The following PALM2AKAP2 variants were observed in gnomAD, a reference collection of about 807,000 sequenced individuals.
PALM2AKAP2 encodes the protein PALM2 and AKAP2 fusion.
A neutral mutation model predicts 71.5 loss-of-function variants in PALM2AKAP2; 37 were observed. The ratio of observed to expected loss-of-function variants is 0.52; its 90% CI spans 0.40 to 0.68. The LOEUF (loss-of-function observed/expected upper bound fraction) is 0.68, where lower values mean the gene tolerates loss of function less well. Among genes scored for constraint, PALM2AKAP2 ranks in the 30% least tolerant of loss-of-function variants. The pLI is 0.00. For missense variants in PALM2AKAP2, 1,224 were observed against 1,191.8 expected, an observed-to-expected ratio of 1.03 and a Z score of -0.40; for synonymous variants, 468 against 478.8, an observed-to-expected ratio of 0.98 and a Z score of 0.29.
intron 1 of PALM2AKAP2, among the ~76,000 whole-genome samples, chr9:110,067,292 T>C (rs917519388): frequency 8.5e-5 from 13 of 152,220 alleles, no homozygotes; most frequent in African/African-American, 2.9e-4. Flanking sequence ...ACAATGATAA[T>C]TAAGAAAACT....
At chr9:109,928,899 T>C (rs1831021823) in intron 5 of PALM2AKAP2, among the ~76,000 whole-genome samples, 1 of 152,164 alleles carries the variant, frequency 6.6e-6, no homozygotes, top group Non-Finnish European at 1.5e-5. Flanking sequence ...ACTCCTGACC[T>C]CAAGTGATCT....
rs184574833 is a variant in PALM2AKAP2, at chr9:109,904,915, C to G, written c.258-18820C>G. ...GTTTTTCTTTGGACGTTATGCAAGCCACTTCTGTGCTGTAAAAGGGCTTTT... is the reference window on the plus strand; with the variant it reads ...GTTTTTCTTTGGACGTTATGCAAGCGACTTCTGTGCTGTAAAAGGGCTTTT... On this transcript the variant is annotated intron_variant, in intron 3 of 9. Coordinates refer to the PALM2AKAP2 transcript ENST00000302798. 4.7e-3 allele frequency among the ~76,000 whole-genome samples: 708 copies of G among 152,248 alleles called. 5 individuals carry two copies. The highest frequency in any genetic ancestry group is 8.2e-3 in the Non-Finnish European group (561 of 68,002).
At chr9:109,780,899 C>T (rs1463038220) in intron 1 of PALM2AKAP2, among the ~76,000 whole-genome samples, 1 of 152,208 alleles carries the variant, frequency 6.6e-6, no homozygotes, top group Non-Finnish European at 1.5e-5. Context: ...GAAGGGTGAC[C>T]TGAACGGTGG....
chr9:109,918,521 C>T (rs566766508), intron 3 of PALM2AKAP2, among the ~76,000 whole-genome samples: 5 of 152,346 alleles, frequency 3.3e-5, no homozygotes, highest in East Asian at 3.9e-4. Context: ...ATTAACCTTG[C>T]GTGTAAATTA....
intron 6 of PALM2AKAP2, among the ~76,000 whole-genome samples, chr9:110,009,758 G>A (rs1230177495): frequency 6.6e-6 from 1 of 151,644 alleles, no homozygotes; most frequent in Non-Finnish European, 1.5e-5. Context: ...TGTCTACAGG[G>A]TACTCTACTC....
At chr9:110,087,468 C>T (rs1834600378) in intron 1 of PALM2AKAP2, among the ~76,000 whole-genome samples, 1 of 152,164 alleles carries the variant, frequency 6.6e-6, no homozygotes, top group Admixed American at 6.5e-5. Flanking sequence ...TTACAGAAGC[C>T]TCATGTCTAT....
At chr9:109,984,817 C>A (rs1832342388) in intron 6 of PALM2AKAP2, among the ~76,000 whole-genome samples, 1 of 151,468 alleles carries the variant, frequency 6.6e-6, no homozygotes, top group Non-Finnish European at 1.5e-5. Flanking sequence ...GTTTACAAAG[C>A]ACTATGATCG....
chr9:109,839,361 A>C (rs1408995609), intron 1 of PALM2AKAP2, among the ~76,000 whole-genome samples: 3 of 152,212 alleles, frequency 2.0e-5, no homozygotes, highest in Non-Finnish European at 4.4e-5. Context: ...ACACTAAATA[A>C]ATTAGATATT....
intron 1 of PALM2AKAP2, among the ~76,000 whole-genome samples, chr9:109,811,825 A>G (rs1286890643): frequency 6.6e-6 from 1 of 152,224 alleles, no homozygotes; most frequent in Non-Finnish European, 1.5e-5. Context: ...CTCCTACCTC[A>G]GCCTCCCAAA....
At chr9:109,846,085 A>G (rs901015209) in intron 1 of PALM2AKAP2, among the ~76,000 whole-genome samples, 16 of 152,162 alleles carry the variant, frequency 1.1e-4, no homozygotes, top group African/African-American at 3.9e-4. Flanking sequence ...TGGGTGAATC[A>G]GGGTGATGGC....
At chr9:109,691,761 T>A (rs1476251751) in intron 1 of PALM2AKAP2, among the ~76,000 whole-genome samples, 1 of 147,132 alleles carries the variant, frequency 6.8e-6, no homozygotes. Flanking sequence ...ATTCAAATAC[T>A]GCCCATAGCG....
At chr9:110,031,272 G>A (rs974757869) in intron 7 of PALM2AKAP2, among the ~76,000 whole-genome samples, 2 of 152,120 alleles carry the variant, frequency 1.3e-5, no homozygotes, top group African/African-American at 4.8e-5. Flanking sequence ...TGGGATTACA[G>A]GTGTGCGCCA....
chr9:109,711,356 G>T (rs1167437910), intron 1 of PALM2AKAP2, among the ~76,000 whole-genome samples: 1 of 152,140 alleles, frequency 6.6e-6, no homozygotes, highest in Non-Finnish European at 1.5e-5. Context: ...AGATTTTGAT[G>T]GTTCATAAAA....
At chr9:109,937,815 A>G (rs1326813676) in intron 6 of PALM2AKAP2, among the ~76,000 whole-genome samples, 1 of 152,140 alleles carries the variant, frequency 6.6e-6, no homozygotes, top group Non-Finnish European at 1.5e-5. Flanking sequence ...ATGTCCATGT[A>G]TGTTTCAAGA....
intron 1 of PALM2AKAP2, among the ~76,000 whole-genome samples, chr9:109,852,571 G>A (rs1309853043): frequency 1.3e-5 from 2 of 152,172 alleles, no homozygotes; most frequent in African/African-American, 4.8e-5. Context: ...GCAGAGTCCA[G>A]TGGCAATTCT....
chr9:109,832,660 T>A (rs899699663), intron 1 of PALM2AKAP2, among the ~76,000 whole-genome samples: 1 of 152,186 alleles, frequency 6.6e-6, no homozygotes, highest in Non-Finnish European at 1.5e-5. Flanking sequence ...AAAAGACTTT[T>A]ACAAAATGCA....
chr9:109,858,253 T>A (rs1272278070), intron 1 of PALM2AKAP2, among the ~76,000 whole-genome samples: 1 of 152,228 alleles, frequency 6.6e-6, no homozygotes, highest in Non-Finnish European at 1.5e-5. Context: ...TGATAGTACC[T>A]AACTCATTAG....
intron 1 of PALM2AKAP2, among the ~76,000 whole-genome samples, chr9:109,653,219 T>G (rs1217923015): frequency 1.3e-5 from 2 of 152,122 alleles, no homozygotes; most frequent in African/African-American, 2.4e-5. Flanking sequence ...TGGTGCAAAG[T>G]GGGATCACAA....
chr9:110,165,647 T>C (rs1385267200), intron 3 of PALM2AKAP2, among the ~76,000 whole-genome samples: 1 of 152,200 alleles, frequency 6.6e-6, no homozygotes, highest in African/African-American at 2.4e-5. Flanking sequence ...TATAAGTGAA[T>C]TACTGGGGCT....
Sources: gnomAD v4.1 joint callset for allele counts (sites outside exome capture counted in the v4.1 genomes callset) on GRCh38, gnomAD v4.1.1 for gene constraint, MANE v1.5 for transcripts, NCBI Gene and HGNC (gene_info 2026-07-23, HGNC 2026-07-21) for gene names.